Variants in ZNF362 observed in about 807,000 individuals in gnomAD.
ZNF362 encodes the protein zinc finger protein 362, also known as rotund homolog.
In ZNF362, 11 loss-of-function variants were observed where a neutral mutation model predicts 42.9. That is an observed-to-expected ratio of 0.26 (90% CI 0.16 to 0.42). The LOEUF (loss-of-function observed/expected upper bound fraction) is 0.42, where lower values mean the gene tolerates loss of function less well. Among genes scored for constraint, ZNF362 ranks in the 20% least tolerant of loss-of-function variants. The pLI is 1.00. For missense variants in ZNF362, 362 were observed against 576.2 expected (o/e 0.63, Z 3.81); for synonymous variants, 255 against 257.3 (o/e 0.99, Z 0.09).
the ZNF362 span, among the ~76,000 whole-genome samples, chr1:33,134,672 G>C: frequency 1.3e-5 from 2 of 152,232 alleles, no homozygotes; most frequent in Non-Finnish European, 2.9e-5. Flanking sequence ...TGTGGCATGG[G>C]AGACTGCAGG....
At chr1:33,165,177 G>A in the ZNF362 span, 3 of 293,660 alleles carry the variant, frequency 1.0e-5, no homozygotes, top group Non-Finnish European at 1.9e-5. The surrounding 1 kb of genome is among the most constrained non-coding windows in gnomAD (Gnocchi z 4.0). Flanking sequence ...GGAGGGTCCC[G>A]GGACCCGCCT....
chr1:33,270,667 G>A (rs889789620), intron 2 of ZNF362, 55 bp downstream of exon 2: 5 of 1,599,132 alleles, frequency 3.1e-6, no homozygotes, highest in East Asian at 2.2e-5. Flanking sequence ...TGTTCTTTGG[G>A]GGATTAAAGC....
chr1:33,227,409 T>G, the ZNF362 span, among the ~76,000 whole-genome samples: 1 of 152,136 alleles, frequency 6.6e-6, no homozygotes, highest in Non-Finnish European at 1.5e-5. Flanking sequence ...TCTTTAGATG[T>G]TCCTGCTCAG....
At chr1:33,206,413 C>T in the ZNF362 span, among the ~76,000 whole-genome samples, 2 of 151,874 alleles carry the variant, frequency 1.3e-5, no homozygotes, top group African/African-American at 4.8e-5. Flanking sequence ...TGGATTTCAT[C>T]GAAGTTAAGA....
At chr1:33,252,880 C>G (rs1179250899), upstream of ZNF362, among the ~76,000 whole-genome samples, 2 of 152,094 alleles carry the variant, frequency 1.3e-5, no homozygotes, top group Non-Finnish European at 2.9e-5. Flanking sequence ...CATGGAGGGC[C>G]TCCTAGAGGA....
the ZNF362 span, among the ~76,000 whole-genome samples, chr1:33,193,910 G>A: frequency 3.3e-5 from 5 of 152,286 alleles, no homozygotes; most frequent in Non-Finnish European, 7.4e-5. Flanking sequence ...GCACTTGTGT[G>A]GCTGAAGAGC....
the ZNF362 span, among the ~76,000 whole-genome samples, chr1:33,182,929 A>C: frequency 1.3e-5 from 2 of 152,294 alleles, no homozygotes; most frequent in African/African-American, 2.4e-5. Context: ...ATTGGGTTTC[A>C]GGAAGTCTTG....
intron 1 of ZNF362, 25 bp downstream of exon 1, chr1:33,256,679 G>T: frequency 6.9e-6 from 1 of 145,520 alleles, no homozygotes; most frequent in South Asian, 2.0e-4. Context: ...GGGGCGCGCG[G>T]GGAGCGGGCC....
At chr1:33,289,632 C>A (rs573387941) in intron 6 of ZNF362, among the ~76,000 whole-genome samples, 1 of 152,262 alleles carries the variant, frequency 6.6e-6, no homozygotes, top group Admixed American at 6.5e-5. Flanking sequence ...GCATGGAAGT[C>A]GCTGATAATG....
intron 8 of ZNF362, among the ~76,000 whole-genome samples, chr1:33,297,272 A>G (rs1168961836): frequency 1.3e-5 from 2 of 152,096 alleles, no homozygotes; most frequent in South Asian, 2.1e-4. Context: ...CCATCAACCA[A>G]TCCTGCCTCA....
At chr1:33,154,196 C>A in the ZNF362 span, among the ~76,000 whole-genome samples, 5 of 152,220 alleles carry the variant, frequency 3.3e-5, no homozygotes, top group Non-Finnish European at 7.3e-5. Flanking sequence ...TGTGGTGGCT[C>A]ACGCCTGTAA....
intron 1 of ZNF362, among the ~76,000 whole-genome samples, chr1:33,265,856 T>C (rs1481508623): frequency 1.3e-5 from 2 of 152,180 alleles, no homozygotes; most frequent in African/African-American, 4.8e-5. Context: ...TCTGGTCCTT[T>C]ATGAACGGCT....
the ZNF362 span, chr1:33,176,526 C>A: frequency 1.2e-5 from 8 of 652,948 alleles, no homozygotes; most frequent in Admixed American, 4.1e-5. Context: ...ATCGGATCCC[C>A]TCTCTGGGGG....
upstream of ZNF362, among the ~76,000 whole-genome samples, chr1:33,254,840 C>A (rs1645777059): frequency 1.3e-5 from 2 of 152,136 alleles, no homozygotes; most frequent in South Asian, 4.1e-4. Flanking sequence ...ATTTGGAATT[C>A]TTCTGCACAG....
At chr1:33,282,236 A>C (rs897717705) in intron 6 of ZNF362, among the ~76,000 whole-genome samples, 1 of 152,078 alleles carries the variant, frequency 6.6e-6, no homozygotes, top group Non-Finnish European at 1.5e-5. Flanking sequence ...ACCTCACTCA[A>C]TCTACTGGGA....
the ZNF362 span, among the ~76,000 whole-genome samples, chr1:33,201,675 T>C: frequency 6.6e-6 from 1 of 152,274 alleles, no homozygotes; most frequent in South Asian, 2.1e-4. Context: ...AAATGCTCTA[T>C]ATTAATCAAG....
the ZNF362 span, among the ~76,000 whole-genome samples, chr1:33,251,235 G>A: frequency 6.6e-6 from 1 of 152,204 alleles, no homozygotes; most frequent in African/African-American, 2.4e-5. Context: ...ACAATGTAGT[G>A]GAGCCAGCCT....
At chr1:33,173,787 C>T in the ZNF362 span, among the ~76,000 whole-genome samples, 1 of 151,744 alleles carries the variant, frequency 6.6e-6, no homozygotes, top group Non-Finnish European at 1.5e-5. Flanking sequence ...TAGCCTCAAA[C>T]TCCTGGGGCT....
At chr1:33,189,067 G>A in the ZNF362 span, among the ~76,000 whole-genome samples, 1 of 152,190 alleles carries the variant, frequency 6.6e-6, no homozygotes, top group Non-Finnish European at 1.5e-5. Context: ...GCACCAAGTT[G>A]ATGACTCAAT....
Sources: gnomAD v4.1 joint callset for allele counts (sites outside exome capture counted in the v4.1 genomes callset) on GRCh38, gnomAD v4.1.1 for gene constraint, Gnocchi (gnomAD v3.1) non-coding constraint, MANE v1.5 for transcripts, NCBI Gene and HGNC (gene_info 2026-07-23, HGNC 2026-07-21) for gene names.